WDR25: variants seen among roughly 807,000 people sequenced by gnomAD.
WDR25 encodes WD repeat domain 25.
WDR25 carries 35 observed loss-of-function variants against 47.7 expected under a neutral mutation model. That is an observed-to-expected ratio of 0.73 (90% CI 0.56 to 0.97). WDR25 has a LOEUF of 0.97. Ranked by LOEUF, WDR25 falls within the 50% of genes least tolerant of loss-of-function variation. WDR25 has a pLI of 0.00. For synonymous variants in WDR25, 248 were observed against 278.9 expected (o/e 0.89, Z 1.10); for missense variants, 634 against 704.7 (o/e 0.90, Z 1.14).
intron 2 of WDR25, among the ~76,000 whole-genome samples, chr14:100,408,077 G>T (rs1369758373): frequency 6.6e-6 from 1 of 152,120 alleles, no homozygotes; most frequent in African/African-American, 2.4e-5. Flanking sequence ...TAGTCGTGGG[G>T]GCTTGGGGAC....
intron 2 of WDR25, among the ~76,000 whole-genome samples, chr14:100,436,323 CTG>C (rs1463668244): frequency 6.6e-6 from 1 of 152,196 alleles, no homozygotes; most frequent in African/African-American, 2.4e-5. Context: ...TCACCACAGA[CTG>C]TGTGTGCTTG....
rs1403550801 is a variant in WDR25 at position 100,488,361 on chromosome 14, A to G, written c.1101+4237A>G. Among the ~76,000 whole-genome samples, 1 of 151,934 alleles carries G rather than the reference A, an allele frequency of 6.6e-6. No individual in the cohort carries two copies. The highest frequency in any genetic ancestry group is 6.6e-5 in the Admixed American group (1 of 15,254). ...CCAGGATGCCTGTGGTCTGACCTTTATAGTATTGTGAGGGTCAATTTCTGC... is the reference window on the plus strand; with the variant it reads ...CCAGGATGCCTGTGGTCTGACCTTTGTAGTATTGTGAGGGTCAATTTCTGC... On this transcript the variant is annotated intron_variant, in intron 4 of 6. Transcript: ENST00000402312. This position sits in a 1 kb window ranked among gnomAD's most constrained non-coding sequence, Gnocchi z 4.2.
At chr14:100,511,093 T>A (rs1324805810) in intron 4 of WDR25, among the ~76,000 whole-genome samples, 1 of 152,230 alleles carries the variant, frequency 6.6e-6, no homozygotes, top group Non-Finnish European at 1.5e-5. Context: ...TAAATGGTAT[T>A]GCATCTCATC....
At chr14:100,415,535 A>G (rs563158751) in intron 2 of WDR25, among the ~76,000 whole-genome samples, 4 of 152,330 alleles carry the variant, frequency 2.6e-5, no homozygotes, top group African/African-American at 9.6e-5. Context: ...CAGCATCTCT[A>G]TCTGGAACAG....
intron 2 of WDR25, among the ~76,000 whole-genome samples, chr14:100,421,509 T>C (rs1898024693): frequency 6.6e-6 from 1 of 152,048 alleles, no homozygotes; most frequent in Admixed American, 6.6e-5. Context: ...AATGAGTGAT[T>C]TGTGACCTAT....
At chr14:100,503,656 G>A (rs1901016169) in intron 4 of WDR25, 1 of 152,176 alleles carries the variant, frequency 6.6e-6, no homozygotes, top group African/African-American at 2.4e-5. Flanking sequence ...CGGGCTCCCC[G>A]GCTTCACTTA....
In WDR25 at chr14:100,529,765, A is replaced by T; in HGVS notation, c.1414-55A>T. The T allele has an allele frequency of 6.4e-7, 1 of 1,567,160 alleles. No homozygotes were observed. Among genetic ancestry groups the T allele is most frequent in the Non-Finnish European group, 8.7e-7 (1 of 1,153,920 alleles). On this transcript the variant is annotated intron_variant, in intron 6 of 6. Transcript: ENST00000402312. This position sits in a 1 kb window ranked among gnomAD's most constrained non-coding sequence, Gnocchi z 5.1. ...GCCTGCTCCTCTGTAGAATGGGCAT[A>T]CTCACCCCGGCTTGACAGGTGCGGC...
At chr14:100,505,147 T>G (rs569090829) in intron 4 of WDR25, among the ~76,000 whole-genome samples, 1 of 152,340 alleles carries the variant, frequency 6.6e-6, no homozygotes, top group African/African-American at 2.4e-5. Flanking sequence ...CTAAGAAATC[T>G]TTACCTATCC....
chr14:100,519,896 G>A (rs1006273599), intron 4 of WDR25, among the ~76,000 whole-genome samples: 2 of 136,660 alleles, frequency 1.5e-5, no homozygotes, highest in Non-Finnish European at 3.1e-5. Context: ...ATGTATATAT[G>A]TATACTAGAT....
chr14:100,408,414 G>C (rs1329674019), intron 2 of WDR25, among the ~76,000 whole-genome samples: 1 of 152,174 alleles, frequency 6.6e-6, no homozygotes, highest in Admixed American at 6.5e-5. Context: ...GCACAACTCT[G>C]TGTGGAGGGG....
rs771371684 is a variant in WDR25, at chr14:100,440,621, C to T, written c.823-27400C>T. Reference sequence around the variant, plus strand: ...AGCCCAGGCTGCCCTGGCTGCTATACGCATCCTTCCAGGCAACCTTCACCT... The same window carrying T: ...AGCCCAGGCTGCCCTGGCTGCTATATGCATCCTTCCAGGCAACCTTCACCT... On this transcript the variant is annotated intron_variant, in intron 2 of 6. Coordinates refer to ENST00000402312, the MANE Select transcript of WDR25 (RefSeq NM_001161476.3). The surrounding 1 kb of genome is among the most constrained non-coding windows in gnomAD (Gnocchi z 4.4). 6.6e-6 allele frequency among the ~76,000 whole-genome samples: 1 copy of T among 152,230 alleles called. No individual in the cohort carries two copies. The highest frequency in any genetic ancestry group is 1.5e-5 in the Non-Finnish European group (1 of 68,034).
chr14:100,416,726 C>T (rs942629520), intron 2 of WDR25, among the ~76,000 whole-genome samples: 10 of 152,172 alleles, frequency 6.6e-5, no homozygotes, highest in African/African-American at 2.4e-4. Flanking sequence ...GGCTGTGCCC[C>T]GGCAGTGTTC....
chr14:100,507,713 G>A (rs1315881011), intron 4 of WDR25, among the ~76,000 whole-genome samples: 1 of 144,228 alleles, frequency 6.9e-6, no homozygotes, highest in African/African-American at 2.6e-5. Flanking sequence ...TTCTTGATTT[G>A]TTCTCAGCTT....
chr14:100,513,170 A>C (rs779157674), intron 4 of WDR25, among the ~76,000 whole-genome samples: 7 of 152,174 alleles, frequency 4.6e-5, no homozygotes, highest in Non-Finnish European at 7.4e-5. Context: ...GCTGTGCTAT[A>C]CTTTGAACGT....
chr14:100,424,701 C>T lies in WDR25; in HGVS notation c.822+42955C>T, dbSNP rs1898119243. 6.6e-6 allele frequency among the ~76,000 whole-genome samples: 1 copy of T among 152,198 alleles called. No individual in the cohort carries two copies. Among genetic ancestry groups the T allele is most frequent in the African/African-American group, 2.4e-5 (1 of 41,442 alleles). On this transcript the variant is annotated intron_variant, in intron 2 of 6. Coordinates refer to ENST00000402312, the MANE Select transcript of WDR25 (RefSeq NM_001161476.3). The surrounding 1 kb of genome is among the most constrained non-coding windows in gnomAD (Gnocchi z 4.2). ...CCCTGGTGTCTTGGTTTCCTAGAAT[C>T]TTGGTGCGATTCGGTGGTTAGGCTG...
intron 2 of WDR25, among the ~76,000 whole-genome samples, chr14:100,438,589 A>G (rs1471589214): frequency 6.6e-6 from 1 of 152,112 alleles, no homozygotes; most frequent in Non-Finnish European, 1.5e-5. Context: ...GGCTATGGGG[A>G]GCTGAGCCAG....
chr14:100,422,405 G>A (rs1285472073), intron 2 of WDR25, among the ~76,000 whole-genome samples: 18 of 152,198 alleles, frequency 1.2e-4, no homozygotes, highest in Non-Finnish European at 2.9e-5. Flanking sequence ...GGCAGCATCT[G>A]TTGACTTCAT....
chr14:100,401,962 G>A (rs1435237581), intron 2 of WDR25, among the ~76,000 whole-genome samples: 2 of 152,246 alleles, frequency 1.3e-5, no homozygotes, highest in Non-Finnish European at 2.9e-5. Context: ...GCATTAGCAG[G>A]TGCTGATGAA....
chr14:100,469,587 C>T (rs1595121570), intron 3 of WDR25, among the ~76,000 whole-genome samples: 1 of 152,320 alleles, frequency 6.6e-6, no homozygotes, highest in East Asian at 1.9e-4. Context: ...TTTCTTCTCA[C>T]AAAGCACTTC....
Sources: gnomAD v4.1 joint callset for allele counts (sites outside exome capture counted in the v4.1 genomes callset) on GRCh38, gnomAD v4.1.1 for gene constraint, Gnocchi (gnomAD v3.1) non-coding constraint, MANE v1.5 for transcripts, NCBI Gene and HGNC (gene_info 2026-07-23, HGNC 2026-07-21) for gene names.